Variants in KIF6 observed in about 807,000 individuals in gnomAD.
The protein encoded by KIF6 is kinesin family member 6.
Under a neutral mutation model 112.7 loss-of-function variants are expected in KIF6, and 106 were observed. The observed-to-expected ratio is 0.94, with a 90% CI of 0.80 to 1.11. The LOEUF (loss-of-function observed/expected upper bound fraction) is 1.11. Among genes scored for constraint, KIF6 ranks in the 50% least tolerant of loss-of-function variants. The pLI, the probability that KIF6 is intolerant of heterozygous loss-of-function variation, is 0.00. For synonymous variants in KIF6, 339 were observed against 339.9 expected (o/e 1.00, Z 0.03); for missense variants, 929 against 964.0 (o/e 0.96, Z 0.48).
intron 3 of KIF6, among the ~76,000 whole-genome samples, chr6:39,646,897 G>C (rs1167826146): frequency 1.3e-5 from 2 of 152,098 alleles, no homozygotes; most frequent in African/African-American, 4.8e-5. Flanking sequence ...GAAATCCCCA[G>C]AGCAGTTAAC....
chr6:39,557,982 G>A (rs1477585207), intron 10 of KIF6, among the ~76,000 whole-genome samples: 6 of 150,290 alleles, frequency 4.0e-5, no homozygotes, highest in African/African-American at 7.3e-5. Context: ...TACAATGAAT[G>A]CGAATTGTTC....
intron 15 of KIF6, among the ~76,000 whole-genome samples, chr6:39,398,158 T>C (rs934097377): frequency 2.6e-5 from 4 of 152,244 alleles, no homozygotes; most frequent in Admixed American, 6.5e-5. Context: ...GTAGGGACTT[T>C]TATAGGTTTA....
At position 39,543,821 on chromosome 6, in the gene KIF6, G is replaced by A. The variant is rs544313221; in HGVS notation, c.1426+734C>T. On this transcript the variant is annotated intron_variant, in intron 12 of 22. Coordinates refer to ENST00000287152, the MANE Select transcript of KIF6 (RefSeq NM_145027.6). ...GGGGCTCCATAGAAGTAACCACTTC[G>A]TCTGCAACTGGAGGCAGCACATGCT... Among the ~76,000 whole-genome samples, 12 of 152,130 alleles carry A rather than the reference G, an allele frequency of 7.9e-5. 1 individual carries two copies. The highest frequency in any genetic ancestry group is 1.3e-4 in the Non-Finnish European group (9 of 68,030).
chr6:39,536,410 A>G (rs1778428440), intron 13 of KIF6, among the ~76,000 whole-genome samples: 1 of 152,150 alleles, frequency 6.6e-6, no homozygotes. Flanking sequence ...AGAAATACAA[A>G]CTACCATCAG....
intron 16 of KIF6, among the ~76,000 whole-genome samples, chr6:39,364,385 T>C (rs62397188): frequency 0.076 from 11,619 of 152,142 alleles, 498 homozygotes; most frequent in South Asian, 0.14. Flanking sequence ...TCCTAAAGTG[T>C]TGGGATTACA....
intron 15 of KIF6, among the ~76,000 whole-genome samples, chr6:39,407,669 CAT>C (rs533710922): frequency 5.4e-4 from 82 of 152,292 alleles, no homozygotes; most frequent in African/African-American, 1.9e-3. Context: ...CATTACGAAA[CAT>C]ATATTTTCAG....
At chr6:39,423,477 C>T (rs2150369510) in intron 14 of KIF6, among the ~76,000 whole-genome samples, 1 of 152,192 alleles carries the variant, frequency 6.6e-6, no homozygotes, top group South Asian at 2.1e-4. Context: ...ATTTTCCCTA[C>T]TCCCTGTAGG....
At chr6:39,409,427 C>T (rs1769325186) in intron 15 of KIF6, among the ~76,000 whole-genome samples, 1 of 152,194 alleles carries the variant, frequency 6.6e-6, no homozygotes, top group African/African-American at 2.4e-5. Context: ...GTGACATAGC[C>T]TAGATGTGCT....
At chr6:39,551,159 G>A (rs1779357682) in intron 10 of KIF6, among the ~76,000 whole-genome samples, 1 of 152,188 alleles carries the variant, frequency 6.6e-6, no homozygotes, top group Non-Finnish European at 1.5e-5. Context: ...GTTTTTGGAG[G>A]AAACTCCATA....
chr6:39,381,113 T>G (rs1472749116), intron 16 of KIF6, among the ~76,000 whole-genome samples: 1 of 152,176 alleles, frequency 6.6e-6, no homozygotes, highest in African/African-American at 2.4e-5. Flanking sequence ...CTTTGGGATA[T>G]GGGATTGCCT....
intron 5 of KIF6, among the ~76,000 whole-genome samples, chr6:39,630,167 A>G (rs1784285075): frequency 6.6e-6 from 1 of 151,930 alleles, no homozygotes; most frequent in African/African-American, 2.4e-5. Flanking sequence ...TATTATGGCT[A>G]TTTTGCCTTT....
intron 6 of KIF6, among the ~76,000 whole-genome samples, chr6:39,598,001 A>T (rs1302172025): frequency 6.6e-6 from 1 of 152,102 alleles, no homozygotes; most frequent in Admixed American, 6.6e-5. Flanking sequence ...CCCCGTGTGT[A>T]CTAAAAATAC....
chr6:39,581,870 T>C (rs1781319145), intron 9 of KIF6, among the ~76,000 whole-genome samples: 1 of 152,140 alleles, frequency 6.6e-6, no homozygotes, highest in African/African-American at 2.4e-5. Flanking sequence ...ACCTTACATA[T>C]GTATTTCAAA....
chr6:39,401,022 T>C (rs1768658347), intron 15 of KIF6, among the ~76,000 whole-genome samples: 1 of 152,252 alleles, frequency 6.6e-6, no homozygotes, highest in Non-Finnish European at 1.5e-5. Context: ...TGGTGGTTTT[T>C]ACCTGGATCT....
intron 7 of KIF6, among the ~76,000 whole-genome samples, chr6:39,587,825 GAATT>G (rs1201039859): frequency 6.6e-6 from 1 of 152,078 alleles, no homozygotes; most frequent in African/African-American, 2.4e-5. Flanking sequence ...TCTCTCTTCT[GAATT>G]AATTTCCCTT....
chr6:39,662,983 C>T (rs1381096719), intron 3 of KIF6, among the ~76,000 whole-genome samples: 1 of 151,940 alleles, frequency 6.6e-6, no homozygotes, highest in East Asian at 1.9e-4. Flanking sequence ...CAGCCTCAAC[C>T]TCACAGACTC....
chr6:39,546,825 CAAAA>C (rs35366749), intron 10 of KIF6, among the ~76,000 whole-genome samples: 5 of 104,076 alleles, frequency 4.8e-5, no homozygotes, highest in African/African-American at 3.1e-5. Flanking sequence ...GACCCTGTCT[CAAAA>C]AAAAAAAAAA....
intron 13 of KIF6, among the ~76,000 whole-genome samples, chr6:39,502,534 A>G (rs1323441399): frequency 1.3e-5 from 2 of 152,234 alleles, no homozygotes; most frequent in Admixed American, 1.3e-4. Context: ...GCCCCAATTA[A>G]AAGACATGGA....
At position 39,339,376 on chromosome 6, in the gene KIF6, G is replaced by A. The variant is rs1384834189; in HGVS notation, c.2429-2828C>T. Among the ~76,000 whole-genome samples the A allele has an allele frequency of 3.3e-5, 5 of 152,162 alleles. No individual in the cohort carries two copies. The South Asian group carries it at 6.2e-4, about 19-fold the overall frequency. On this transcript the variant is annotated intron_variant, in intron 22 of 22. Coordinates refer to ENST00000287152, the MANE Select transcript of KIF6 (RefSeq NM_145027.6). ...GGGGAGGTGACCTGCCCAGTGTCAC[G>A]CAGAGCAGAGATGGCCTTGGAATTT... is the stretch of plus-strand genomic sequence containing the variant.
Sources: allele counts gnomAD v4.1 joint callset (sites outside exome capture counted in the v4.1 genomes callset), GRCh38; gene constraint gnomAD v4.1.1; transcripts MANE v1.5; gene names NCBI Gene and HGNC (gene_info 2026-07-23, HGNC 2026-07-21).